The following GRID2 variants were observed in gnomAD, a reference collection of about 807,000 sequenced individuals.
GRID2 encodes the protein glutamate receptor ionotropic, delta-2.
Under a neutral mutation model 114.8 loss-of-function variants are expected in GRID2, and 33 were observed. That is an observed-to-expected ratio of 0.29 (90% CI 0.22 to 0.38). The LOEUF (loss-of-function observed/expected upper bound fraction) is 0.38. Among genes scored for constraint, GRID2 ranks in the 10% least tolerant of loss-of-function variants. The pLI, the probability that GRID2 is intolerant of heterozygous loss-of-function variation, is 1.00. For missense variants in GRID2, 1,184 were observed against 1,257.7 expected (o/e 0.94, Z 0.89); for synonymous variants, 505 against 449.9 (o/e 1.12, Z -1.55).
chr4:92,410,835 ATTTTTTTTTTT>A (rs5860274), intron 1 of GRID2, among the ~76,000 whole-genome samples: 2 of 117,874 alleles, frequency 1.7e-5, no homozygotes, highest in South Asian at 2.9e-4. Context: ...CTGCAAAAGC[ATTTTTTTTTTT>A]TTTTTTTTTG....
intron 3 of GRID2, among the ~76,000 whole-genome samples, chr4:93,095,314 C>G (rs966609749): frequency 2.6e-5 from 4 of 151,786 alleles, no homozygotes; most frequent in African/African-American, 9.7e-5. Flanking sequence ...TATGATGTTC[C>G]CCTCCTTGTG....
At chr4:92,310,150 A>G (rs1176942377) in intron 1 of GRID2, among the ~76,000 whole-genome samples, 1 of 152,016 alleles carries the variant, frequency 6.6e-6, no homozygotes, top group Non-Finnish European at 1.5e-5. Context: ...CACCACTACT[A>G]TCACTACAAG....
exon 2 of GRID2, chr4:93,807,533 C>T (rs796147781): frequency 1.3e-5 from 2 of 152,252 alleles, no homozygotes; most frequent in African/African-American, 4.8e-5. Flanking sequence ...GCATGGATTC[C>T]TGGCTAATGT....
At chr4:92,517,916 CA>C (rs779635204) in intron 1 of GRID2, among the ~76,000 whole-genome samples, 6 of 151,194 alleles carry the variant, frequency 4.0e-5, no homozygotes, top group Non-Finnish European at 8.9e-5. Flanking sequence ...AACAAACAAA[CA>C]AAAAACCAAA....
chr4:92,598,414 A>C (rs1170121636), intron 2 of GRID2, among the ~76,000 whole-genome samples: 1 of 151,970 alleles, frequency 6.6e-6, no homozygotes, highest in Non-Finnish European at 1.5e-5. Context: ...ACTATTTTTA[A>C]ACTCTTTATT....
chr4:93,692,284 T>C (rs1320138002), intron 14 of GRID2, among the ~76,000 whole-genome samples: 1 of 151,874 alleles, frequency 6.6e-6, no homozygotes, highest in African/African-American at 2.4e-5. Flanking sequence ...CTGAAGAAAG[T>C]GAGGAAGCCA....
At chr4:92,585,951 G>A (rs1231883941) in intron 1 of GRID2, among the ~76,000 whole-genome samples, 1 of 151,648 alleles carries the variant, frequency 6.6e-6, no homozygotes, top group African/African-American at 2.4e-5. Flanking sequence ...TTAGGTTTAG[G>A]TGTAACTTAT....
intron 10 of GRID2, among the ~76,000 whole-genome samples, chr4:93,434,080 C>T (rs767069635): frequency 1.3e-5 from 2 of 152,142 alleles, no homozygotes; most frequent in Non-Finnish European, 2.9e-5. Flanking sequence ...ACAATGTCCA[C>T]ATCAGTGGAA....
chr4:93,603,657 C>T (rs1739921583), intron 13 of GRID2, among the ~76,000 whole-genome samples: 1 of 152,174 alleles, frequency 6.6e-6, no homozygotes, highest in Non-Finnish European at 1.5e-5. Flanking sequence ...CAATGCCTGG[C>T]TTCAGAGCTT....
intron 1 of GRID2, among the ~76,000 whole-genome samples, chr4:92,393,744 G>T (rs1049388698): frequency 6.6e-6 from 1 of 152,076 alleles, no homozygotes; most frequent in African/African-American, 2.4e-5. Flanking sequence ...GTCAAAGGGG[G>T]TAAAATATTA....
At chr4:92,825,507 C>T (rs375705380) in intron 2 of GRID2, among the ~76,000 whole-genome samples, 2 of 152,174 alleles carry the variant, frequency 1.3e-5, no homozygotes, top group African/African-American at 4.8e-5. Context: ...AGAACACCTC[C>T]AGGCTTCTGC....
intron 13 of GRID2, among the ~76,000 whole-genome samples, chr4:93,569,815 A>C (rs1231248092): frequency 6.6e-6 from 1 of 152,038 alleles, no homozygotes; most frequent in East Asian, 1.9e-4. Flanking sequence ...CTCATCATTC[A>C]TCTCAGTTCA....
At chr4:93,452,887 G>GGCCTT (rs1376494263) in intron 10 of GRID2, among the ~76,000 whole-genome samples, 1 of 151,088 alleles carries the variant, frequency 6.6e-6, no homozygotes, top group Non-Finnish European at 1.5e-5. Context: ...AGTGGTCCTT[G>GGCCTT]GCCTTTTTTT....
At chr4:93,231,486 A>G (rs1461177475) in intron 7 of GRID2, among the ~76,000 whole-genome samples, 1 of 151,884 alleles carries the variant, frequency 6.6e-6, no homozygotes, top group Non-Finnish European at 1.5e-5. Context: ...AAAAAGACCC[A>G]AATGTGGTAA....
chr4:93,644,764 G>A (rs17291977), intron 14 of GRID2, among the ~76,000 whole-genome samples: 10,083 of 152,190 alleles, frequency 0.066, 489 homozygotes, highest in Middle Eastern at 0.11. Context: ...AAAATAGACT[G>A]GGTCTCAGAG....
At position 93,203,397 on chromosome 4, in the gene GRID2, T is replaced by C. The variant is rs146389459; in HGVS notation, c.736-4007T>C. On this transcript the variant is annotated intron_variant, in intron 4 of 15. Transcript: ENST00000282020. ...TGTATATTACATATACATTGATATA[T>C]AATTAAAAAGACAAGACATATCTGT... Among the ~76,000 whole-genome samples, 3 of 152,292 alleles carry C rather than the reference T, an allele frequency of 2.0e-5. No homozygotes were observed. In the East Asian group the frequency reaches 5.8e-4, roughly 29 times the overall value.
rs1469572919 is a variant in GRID2 at position 92,935,535 on chromosome 4, G to A, written c.245-149460G>A. On this transcript the variant is annotated intron_variant, in intron 2 of 15. Coordinates refer to ENST00000282020, the MANE Select transcript of GRID2 (RefSeq NM_001510.4). The stretch of plus-strand genomic sequence containing the variant: ...TTTGACCCAGCCATCCCATTACTGG[G>A]TATATACCCAAAGGACTATAAATCA... Among the ~76,000 whole-genome samples, 2 of 146,798 alleles carry A rather than the reference G, an allele frequency of 1.4e-5. 1 individual carries two copies. Among genetic ancestry groups the A allele is most frequent in the Admixed American group, 1.5e-4 (2 of 13,514 alleles).
At chr4:92,363,678 T>G (rs1197456419) in intron 1 of GRID2, among the ~76,000 whole-genome samples, 2 of 152,034 alleles carry the variant, frequency 1.3e-5, no homozygotes, top group African/African-American at 4.8e-5. Context: ...TGAATTGAAA[T>G]AACATACTAT....
At chr4:93,766,431 A>G (rs1733680855) in intron 14 of GRID2, among the ~76,000 whole-genome samples, 1 of 152,128 alleles carries the variant, frequency 6.6e-6, no homozygotes, top group African/African-American at 2.4e-5. Flanking sequence ...CAAGAACGGC[A>G]TGAGGGAAAC....
Sources: allele counts gnomAD v4.1 joint callset (sites outside exome capture counted in the v4.1 genomes callset), GRCh38; gene constraint gnomAD v4.1.1; transcripts MANE v1.5; gene names NCBI Gene and HGNC (gene_info 2026-07-23, HGNC 2026-07-21).